ADGRL3: variants seen among roughly 807,000 people sequenced by gnomAD.
ADGRL3 encodes the protein adhesion G protein-coupled receptor L3, also known as calcium-independent alpha-latrotoxin receptor 3.
A neutral mutation model predicts 153.5 loss-of-function variants in ADGRL3; 62 were observed. The ratio of observed to expected loss-of-function variants is 0.40; its 90% CI spans 0.33 to 0.50. The LOEUF is 0.50. Among genes scored for constraint, ADGRL3 ranks in the 20% least tolerant of loss-of-function variants. The probability of loss-of-function intolerance (pLI) is 0.47; values close to 1 mark genes in which losing one functional copy is unlikely to be tolerated. For missense variants in ADGRL3, 1,641 were observed against 1,859.4 expected (o/e 0.88, Z 2.16); for synonymous variants, 710 against 672.5 (o/e 1.06, Z -0.86).
intron 4 of ADGRL3, among the ~76,000 whole-genome samples, chr4:61,567,319 G>A (rs552324880): frequency 6.6e-6 from 1 of 152,278 alleles, no homozygotes; most frequent in Non-Finnish European, 1.5e-5. Flanking sequence ...GCTAAGTTCT[G>A]AATGTTTGTG....
At chr4:61,246,818 C>A (rs942963625) in intron 1 of ADGRL3, among the ~76,000 whole-genome samples, 10 of 151,402 alleles carry the variant, frequency 6.6e-5, no homozygotes, top group African/African-American at 2.2e-4. Flanking sequence ...TAATAAAGTT[C>A]CTCTTCAGAA....
chr4:61,357,339 T>A (rs1285534314), intron 1 of ADGRL3, among the ~76,000 whole-genome samples: 1 of 152,160 alleles, frequency 6.6e-6, no homozygotes, highest in African/African-American at 2.4e-5. Context: ...TGTAGTAGAA[T>A]TTTTTGAGTT....
intron 5 of ADGRL3, among the ~76,000 whole-genome samples, chr4:61,608,720 A>T (rs1369051171): frequency 6.6e-6 from 1 of 152,172 alleles, no homozygotes; most frequent in East Asian, 1.9e-4. Context: ...AAGGTCATAG[A>T]CACATGGAAT....
At chr4:61,755,772 A>T (rs2096821215) in intron 8 of ADGRL3, among the ~76,000 whole-genome samples, 1 of 152,298 alleles carries the variant, frequency 6.6e-6, no homozygotes, top group African/African-American at 2.4e-5. Flanking sequence ...TTAAGTCTTT[A>T]ATCCATCTTG....
At chr4:62,049,180 AC>A (rs1460285137) in intron 25 of ADGRL3, among the ~76,000 whole-genome samples, 2 of 152,150 alleles carry the variant, frequency 1.3e-5, no homozygotes, top group Admixed American at 6.6e-5. Flanking sequence ...AGTAGCTCTT[AC>A]CAATATGGAT....
chr4:62,031,606 A>C lies in ADGRL3; in HGVS notation c.3587A>C (p.Lys1196Thr). ...TTTATTTTCCATTGTGTCCTACAGA[A>C]GAAGGTAAGCTAGAATTCTTTTTTT... ...FIFIFHCVLQ[K>T]KVRKEYGKCL... The change falls in exon 23 of 27, where the codon AAG becomes ACG. Residue 1196 changes from lysine (K) to threonine (T), a missense_variant. Transcript: ENST00000683033. 6.2e-7 allele frequency: 1 copy of C among 1,600,268 alleles called. No individual in the cohort carries two copies. The highest frequency in any genetic ancestry group is 8.5e-7 in the Non-Finnish European group (1 of 1,171,428).
At chr4:61,471,274 C>T (rs2097949736) in intron 2 of ADGRL3, among the ~76,000 whole-genome samples, 1 of 151,470 alleles carries the variant, frequency 6.6e-6, no homozygotes, top group African/African-American at 2.4e-5. Flanking sequence ...TAAAAGCCTC[C>T]TCTATATTGA....
rs747287060 is a variant in ADGRL3, at chr4:61,979,558, T to C, written c.2806-5T>C. The C allele has an allele frequency of 1.4e-5, 23 of 1,612,878 alleles. No individual in the cohort carries two copies. The Admixed American group carries it at 2.7e-4, about 19-fold the overall frequency. On this transcript the variant is annotated splice_region_variant and splice_polypyrimidine_tract_variant and intron_variant, in intron 17 of 26. Transcript: ENST00000683033. ...CAACTTATGGCTTTTTCATTGTGTT[T>C]CCAGCACAGTGATGCGGTCCATGAC...
At chr4:61,877,457 C>G (rs1478672752) in intron 9 of ADGRL3, among the ~76,000 whole-genome samples, 1 of 152,124 alleles carries the variant, frequency 6.6e-6, no homozygotes, top group Non-Finnish European at 1.5e-5. Flanking sequence ...TGAAACAGTT[C>G]TGTATCTTGA....
chr4:61,866,966 T>C (rs1406426231), intron 9 of ADGRL3, among the ~76,000 whole-genome samples: 4 of 152,088 alleles, frequency 2.6e-5, no homozygotes, highest in African/African-American at 9.7e-5. Flanking sequence ...ACAGTAAAGA[T>C]TATGCACAGA....
chr4:61,204,503 A>G (rs1736234063), intron 1 of ADGRL3, among the ~76,000 whole-genome samples: 1 of 152,202 alleles, frequency 6.6e-6, no homozygotes, highest in African/African-American at 2.4e-5. Context: ...TCCTAGCAGC[A>G]TGTGTTCCCT....
chr4:61,249,182 A>G (rs1758226932), intron 1 of ADGRL3, among the ~76,000 whole-genome samples: 1 of 152,194 alleles, frequency 6.6e-6, no homozygotes, highest in Non-Finnish European at 1.5e-5. Context: ...GTGGACTGTT[A>G]GGAATAAATG....
At chr4:61,430,336 A>G (rs772826079) in intron 2 of ADGRL3, among the ~76,000 whole-genome samples, 3 of 152,174 alleles carry the variant, frequency 2.0e-5, no homozygotes. Flanking sequence ...AGAAGGACAC[A>G]TTGATTCAAG....
rs1391169779 is a variant in ADGRL3 at position 61,638,663 on chromosome 4, T to C, written c.474-38163T>C. On this transcript the variant is annotated intron_variant, in intron 5 of 26. Transcript: ENST00000683033. ...AATGTTTATACACTGAGTTCCAGTTTACAAAATATTCTACACAAATAGTGT... is the reference window on the plus strand; with the variant it reads ...AATGTTTATACACTGAGTTCCAGTTCACAAAATATTCTACACAAATAGTGT... Among the ~76,000 whole-genome samples, 4 of 152,270 alleles carry C rather than the reference T, an allele frequency of 2.6e-5. No individual in the cohort carries two copies. The East Asian group carries it at 7.7e-4, about 29-fold the overall frequency.
intron 1 of ADGRL3, among the ~76,000 whole-genome samples, chr4:61,219,933 C>A (rs1437305283): frequency 1.3e-5 from 2 of 151,910 alleles, no homozygotes; most frequent in Non-Finnish European, 2.9e-5. Flanking sequence ...CATGGTGAAA[C>A]CCCGCCTCTA....
At chr4:61,618,771 T>C (rs763557454) in intron 5 of ADGRL3, among the ~76,000 whole-genome samples, 2 of 152,170 alleles carry the variant, frequency 1.3e-5, no homozygotes, top group Non-Finnish European at 2.9e-5. Context: ...AGCTGGAGTG[T>C]AATGGCAGGA....
intron 2 of ADGRL3, among the ~76,000 whole-genome samples, chr4:61,435,311 CA>C (rs2097430747): frequency 6.6e-6 from 1 of 151,802 alleles, no homozygotes; most frequent in Non-Finnish European, 1.5e-5. Flanking sequence ...GTAATTTTTC[CA>C]AAGGAGTTCA....
chr4:61,866,134 G>T (rs1004032366), intron 9 of ADGRL3, among the ~76,000 whole-genome samples: 6 of 152,186 alleles, frequency 3.9e-5, no homozygotes, highest in Non-Finnish European at 7.3e-5. Context: ...CTGCCCCTGA[G>T]AAATTTATGC....
intron 8 of ADGRL3, among the ~76,000 whole-genome samples, chr4:61,795,262 G>T (rs1430708755): frequency 6.6e-6 from 1 of 152,002 alleles, no homozygotes; most frequent in African/African-American, 2.4e-5. Flanking sequence ...TGAATGAGTG[G>T]GACTACAGGC....
Sources: allele counts gnomAD v4.1 joint callset (sites outside exome capture counted in the v4.1 genomes callset), GRCh38; gene constraint gnomAD v4.1.1; transcripts MANE v1.5; gene names NCBI Gene and HGNC (gene_info 2026-07-23, HGNC 2026-07-21).